Variants in CAMK1D observed in about 807,000 individuals in gnomAD.
The protein encoded by CAMK1D is calcium/calmodulin-dependent protein kinase type 1D.
CAMK1D carries 9 observed loss-of-function variants against 47.7 expected under a neutral mutation model. That is an observed-to-expected ratio of 0.19 (90% CI 0.11 to 0.33). The LOEUF is 0.33. CAMK1D is among the 10% of genes least tolerant of loss of function. The pLI, the probability that CAMK1D is intolerant of heterozygous loss-of-function variation, is 1.00. For synonymous variants in CAMK1D, 184 were observed against 184.9 expected (o/e 0.99, Z 0.04); for missense variants, 291 against 488.7 (o/e 0.60, Z 3.81).
chr10:12,413,954 T>C (rs1839758710), intron 1 of CAMK1D, among the ~76,000 whole-genome samples: 1 of 152,172 alleles, frequency 6.6e-6, no homozygotes, highest in East Asian at 1.9e-4. Flanking sequence ...AAAATGAGGG[T>C]CTTTCCTGTT....
At chr10:12,390,555 C>T (rs185527435) in intron 1 of CAMK1D, among the ~76,000 whole-genome samples, 139 of 152,296 alleles carry the variant, frequency 9.1e-4, no homozygotes, top group Middle Eastern at 3.4e-3. Context: ...ATTCAAGATC[C>T]TACAACTAGT....
chr10:12,463,679 G>A (rs576383803), intron 1 of CAMK1D, among the ~76,000 whole-genome samples: 14 of 152,128 alleles, frequency 9.2e-5, no homozygotes, highest in African/African-American at 3.4e-4. Flanking sequence ...ACCTCTCGGT[G>A]AGTTGAAGGG....
At chr10:12,453,703 A>G (rs2132037836) in intron 1 of CAMK1D, among the ~76,000 whole-genome samples, 1 of 152,310 alleles carries the variant, frequency 6.6e-6, no homozygotes, top group South Asian at 2.1e-4. Context: ...TGGCAACCAC[A>G]ACACACTTCT....
At position 12,473,748 on chromosome 10, in the gene CAMK1D, C is replaced by T. The variant is rs191422855; in HGVS notation, c.93-79477C>T. ...CACTCTAGAGTTGGACTTGATCCTG[C>T]GAGCATTGCAGAGCCATGGAGAGGT... On this transcript the variant is annotated intron_variant, in intron 1 of 10. Coordinates refer to ENST00000619168, the MANE Select transcript of CAMK1D (RefSeq NM_153498.4). 1.4e-4 allele frequency among the ~76,000 whole-genome samples: 21 copies of T among 152,184 alleles called. No homozygotes were observed. The East Asian group carries it at 4.1e-3, about 29-fold the overall frequency.
At chr10:12,395,814 C>T (rs749419094) in intron 1 of CAMK1D, among the ~76,000 whole-genome samples, 4 of 151,798 alleles carry the variant, frequency 2.6e-5, no homozygotes, top group Non-Finnish European at 5.9e-5. Context: ...GTAGTTCCAG[C>T]TACTTAGGAG....
Position 12,752,034 on chromosome 10 carries a change from T to C in CAMK1D, c.300-8914T>C, listed in dbSNP as rs184005625. 8.6e-3 allele frequency among the ~76,000 whole-genome samples: 1,295 copies of C among 151,088 alleles called. 24 individuals are homozygous for C. The highest frequency in any genetic ancestry group is 0.029 in the African/African-American group (1,200 of 41,126). On this transcript the variant is annotated intron_variant, in intron 3 of 10. Coordinates refer to ENST00000619168, the MANE Select transcript of CAMK1D (RefSeq NM_153498.4). ...TCTTGCTCTGTCACCCGGGCCGGAGTGCAATGGCGCAATCTCGGCTCACCA... is the reference window on the plus strand; with the variant it reads ...TCTTGCTCTGTCACCCGGGCCGGAGCGCAATGGCGCAATCTCGGCTCACCA...
chr10:12,699,761 A>G (rs1209752753), intron 3 of CAMK1D, among the ~76,000 whole-genome samples: 1 of 151,936 alleles, frequency 6.6e-6, no homozygotes. Context: ...TCATTTGGAA[A>G]CTGCTGATTT....
At chr10:12,806,025 G>A (rs762259025) in intron 6 of CAMK1D, among the ~76,000 whole-genome samples, 1 of 152,172 alleles carries the variant, frequency 6.6e-6, no homozygotes, top group Non-Finnish European at 1.5e-5. Flanking sequence ...GATCAAGAAA[G>A]ACATCACTGA....
intron 2 of CAMK1D, among the ~76,000 whole-genome samples, chr10:12,573,438 A>G (rs754406106): frequency 6.6e-6 from 1 of 152,198 alleles, no homozygotes; most frequent in African/African-American, 2.4e-5. Flanking sequence ...CACGAAAGTC[A>G]GCTGTGAGGC....
intron 3 of CAMK1D, among the ~76,000 whole-genome samples, chr10:12,743,887 G>A (rs1292826881): frequency 2.0e-5 from 3 of 152,174 alleles, no homozygotes; most frequent in African/African-American, 7.2e-5. Flanking sequence ...GCTGGATGTG[G>A]TAGCACACGC....
chr10:12,789,865 T>C (rs1026070805), intron 5 of CAMK1D, among the ~76,000 whole-genome samples: 76 of 152,378 alleles, frequency 5.0e-4, no homozygotes, highest in Middle Eastern at 3.4e-3. Context: ...AAGTCTGTGC[T>C]AAAGACACTG....
chr10:12,514,889 C>T (rs947720292), intron 1 of CAMK1D, among the ~76,000 whole-genome samples: 19 of 152,158 alleles, frequency 1.2e-4, no homozygotes, highest in Non-Finnish European at 2.1e-4. Flanking sequence ...CTCACTCTGT[C>T]GCCCAGGCTG....
intron 1 of CAMK1D, among the ~76,000 whole-genome samples, chr10:12,506,708 C>T (rs111225938): frequency 0.016 from 2,365 of 152,094 alleles, 40 homozygotes; most frequent in East Asian, 0.072. Context: ...GTAGTAGAGA[C>T]GGGGTTTCAC....
At chr10:12,519,029 G>A (rs1588580895) in intron 1 of CAMK1D, among the ~76,000 whole-genome samples, 1 of 113,388 alleles carries the variant, frequency 8.8e-6, no homozygotes, top group African/African-American at 3.3e-5. Flanking sequence ...GGTGGTGGCC[G>A]GGCAGAGGGG....
At chr10:12,795,225 A>AGGGGAGGGAGG (rs1838145584) in intron 6 of CAMK1D, among the ~76,000 whole-genome samples, 1 of 152,218 alleles carries the variant, frequency 6.6e-6, no homozygotes, top group Non-Finnish European at 1.5e-5. Flanking sequence ...GGCAAGGACC[A>AGGGGAGGGAGG]GAGCAGGGTG....
intron 1 of CAMK1D, among the ~76,000 whole-genome samples, chr10:12,515,053 G>C (rs1397912239): frequency 4.6e-5 from 7 of 152,040 alleles, no homozygotes; most frequent in African/African-American, 1.7e-4. Flanking sequence ...AGTAGAGACG[G>C]GGTTTCGCCA....
At chr10:12,732,334 A>G (rs1482556695) in intron 3 of CAMK1D, among the ~76,000 whole-genome samples, 4 of 152,196 alleles carry the variant, frequency 2.6e-5, no homozygotes, top group Non-Finnish European at 5.9e-5. Flanking sequence ...CAAGATAGGA[A>G]TATGTTAGAC....
chr10:12,638,902 C>A lies in CAMK1D; in HGVS notation c.225-27834C>A, dbSNP rs531509757. On this transcript the variant is annotated intron_variant, in intron 2 of 10. Coordinates refer to ENST00000619168, the MANE Select transcript of CAMK1D (RefSeq NM_153498.4). ...AGTCCCCGTTGGTGTCCCTCTCATC[C>A]CCCCACTTCTCTCCGCATCCTTGTC... Among the ~76,000 whole-genome samples, 197 of 152,280 alleles carry A rather than the reference C, an allele frequency of 1.3e-3. 1 individual carries two copies. The highest frequency in any genetic ancestry group is 4.4e-3 in the African/African-American group (184 of 41,546).
chr10:12,514,532 T>A (rs1835133107), intron 1 of CAMK1D, among the ~76,000 whole-genome samples: 1 of 152,230 alleles, frequency 6.6e-6, no homozygotes, highest in Admixed American at 6.5e-5. Context: ...GTTATTTCCT[T>A]TTTACAGATA....
Sources: gnomAD v4.1 joint callset for allele counts (sites outside exome capture counted in the v4.1 genomes callset) on GRCh38, gnomAD v4.1.1 for gene constraint, MANE v1.5 for transcripts, NCBI Gene and HGNC (gene_info 2026-07-23, HGNC 2026-07-21) for gene names.